The following SHROOM2 variants were observed in gnomAD, a reference collection of about 807,000 sequenced individuals.
SHROOM2 encodes the protein protein Shroom2.
SHROOM2 carries 33 observed loss-of-function variants against 75.9 expected under a neutral mutation model. The ratio of observed to expected loss-of-function variants is 0.43; its 90% confidence interval spans 0.33 to 0.58. The LOEUF is 0.58. Ranked by LOEUF, SHROOM2 falls within the 20% of genes least tolerant of loss-of-function variation. SHROOM2 has a pLI of 0.04. For missense variants in SHROOM2, 1,434 were observed against 1,461.2 expected (o/e 0.98, Z 0.30); for synonymous variants, 655 against 663.6 (o/e 0.99, Z 0.20).
At chrX:9,937,728 G>A in intron 7 of SHROOM2, 43 bp downstream of exon 7, 2 of 1,048,587 alleles carry the variant, frequency 1.9e-6, no homozygotes, top group South Asian at 2.3e-5. Context: ...ACTCTGCCTG[G>A]CATCTCTTAG....
At position 9,891,081 on chromosome X, in the gene SHROOM2, C is replaced by T; in HGVS notation, c.422C>T (p.Pro141Leu). 8.3e-7 allele frequency: 1 copy of T among 1,206,423 alleles called. No individual in the cohort carries two copies. The highest frequency in any genetic ancestry group is 1.1e-6 in the Non-Finnish European group (1 of 892,948). Residue 141 changes from proline (P) to leucine (L), a missense_variant, in exon 3 of 10, where the codon CCT becomes CTT. Pro to Leu is a moderately conservative substitution (Grantham distance 98). Around this residue, in one of 3 missense-constraint regions of SHROOM2, gnomAD observed 1,340 missense variants for 1,338.3 expected, o/e 1.00. Transcript: ENST00000380913. ...ASPFTSTSGC[P>L]SWSGRHHASS... ...CCATTCACCTCCACCAGCGGCTGTC[C>T]TTCCTGGTCCGGCCGACACCACGCG...
At position 9,862,118 on chromosome X, in the gene SHROOM2, T is replaced by C. The variant is rs138528765; in HGVS notation, c.166-11534T>C. Among the ~76,000 whole-genome samples, 889 of 112,262 alleles carry C rather than the reference T, an allele frequency of 7.9e-3. 8 individuals are homozygous for C. Among genetic ancestry groups the C allele is most frequent in the African/African-American group, 0.027 (838 of 30,907 alleles). ...GTGTACATGCAAAGCTCAAAATATT[T>C]ACATTACGGCTCTTTGTGAAAAAGT... On this transcript the variant is annotated intron_variant, in intron 1 of 9. Coordinates refer to ENST00000380913, the MANE Select transcript of SHROOM2 (RefSeq NM_001649.4).
At chrX:9,789,867 A>G (rs1421111792) in intron 1 of SHROOM2, among the ~76,000 whole-genome samples, 1 of 112,200 alleles carries the variant, frequency 8.9e-6, no homozygotes, top group Non-Finnish European at 1.9e-5. Context: ...GGCCTGGCCT[A>G]GCCCCAAGGG....
At chrX:9,877,975 G>A (rs554597016) in intron 2 of SHROOM2, among the ~76,000 whole-genome samples, 3 of 111,515 alleles carry the variant, frequency 2.7e-5, no homozygotes, top group South Asian at 7.6e-4. Flanking sequence ...TGAAATCTGC[G>A]TTAACAGCTC....
At position 9,944,653 on chromosome X, in the gene SHROOM2, G is replaced by A. The variant is rs1424335287; in HGVS notation, c.4324G>A (p.Glu1442Lys). Residue 1442 changes from glutamate to lysine, a missense_variant, in exon 9 of 10, where the codon GAG (glutamate) becomes AAG (lysine). Physicochemically the swap from Glu to Lys is moderately conservative, Grantham distance 56 (BLOSUM62 1). Around this residue, in one of 3 missense-constraint regions of SHROOM2, gnomAD observed 1,340 missense variants for 1,338.3 expected, o/e 1.00. Coordinates refer to ENST00000380913, the MANE Select transcript of SHROOM2 (RefSeq NM_001649.4). Reference sequence around the variant, plus strand: ...CCGTGCCCAACAGCAGGAGCTCATCGAGAGCATCAGCCGCAAGCTGCAGGT... The same window carrying A: ...CCGTGCCCAACAGCAGGAGCTCATCAAGAGCATCAGCCGCAAGCTGCAGGT... The part of the protein sequence containing the change: ...DLSVKKQELI[E>K]SISRKLQVLR... 7.5e-6 allele frequency: 9 copies of A among 1,207,279 alleles called. No homozygotes were observed. Among genetic ancestry groups the A allele is most frequent in the Non-Finnish European group, 1.0e-5 (9 of 892,868 alleles).
chrX:9,838,454 G>A (rs1305980694), intron 1 of SHROOM2, among the ~76,000 whole-genome samples: 1 of 111,092 alleles, frequency 9.0e-6, no homozygotes, highest in African/African-American at 3.3e-5. Flanking sequence ...GCCTGCTTGT[G>A]GGACTTGCAG....
At chrX:9,899,328 T>C (rs2084353117) in intron 5 of SHROOM2, among the ~76,000 whole-genome samples, 1 of 110,512 alleles carries the variant, frequency 9.0e-6, no homozygotes, top group African/African-American at 3.3e-5. Flanking sequence ...AGTGTGCGTC[T>C]CTACAGAAGA....
chrX:9,907,030 C>A (rs1378264235), intron 5 of SHROOM2, among the ~76,000 whole-genome samples: 1 of 110,959 alleles, frequency 9.0e-6, no homozygotes, highest in Non-Finnish European at 1.9e-5. Context: ...TTGCTGGTCC[C>A]CCTGGCGTTG....
chrX:9,867,593 C>T (rs1003226692), intron 1 of SHROOM2, among the ~76,000 whole-genome samples: 3 of 111,201 alleles, frequency 2.7e-5, no homozygotes, highest in Non-Finnish European at 3.8e-5. Context: ...ATCACGCATG[C>T]GGCACCTTCC....
intron 1 of SHROOM2, among the ~76,000 whole-genome samples, chrX:9,806,280 C>T (rs1033478673): frequency 2.7e-5 from 3 of 110,557 alleles, no homozygotes; most frequent in African/African-American, 6.6e-5. Flanking sequence ...GCAGGCACAT[C>T]GCTGGGGCCC....
rs773644766 is a variant in SHROOM2, at chrX:9,898,268, G to A, written c.2869G>A (p.Glu957Lys). The stretch of plus-strand genomic sequence containing the variant: ...AGAGCTTCCCTCCGCAGTCCGGGCC[G>A]AGGAGGGACAGTCCACGCCGAGGTG... ...REELPSAVRA[E>K]EGQSTPRQAD... Residue 957 changes from glutamate (E) to lysine (K), a missense_variant, in exon 5 of 10, where the codon GAG (glutamate) becomes AAG (lysine). Physicochemically the swap from Glu to Lys is moderately conservative, Grantham distance 56. Transcript: ENST00000380913. 20 of 1,178,105 alleles carry A rather than the reference G, an allele frequency of 1.7e-5. No individual in the cohort carries two copies. Among genetic ancestry groups the A allele is most frequent in the Admixed American group, 7.3e-5 (3 of 41,316 alleles).
intron 1 of SHROOM2, among the ~76,000 whole-genome samples, chrX:9,800,814 C>T (rs145892231): frequency 0.01 from 1,111 of 108,368 alleles, 18 homozygotes; most frequent in African/African-American, 0.035. Flanking sequence ...GCATGCGGCA[C>T]CATGCTCAGT....
chrX:9,915,574 T>TA (rs1191579123), intron 5 of SHROOM2, among the ~76,000 whole-genome samples: 1 of 111,573 alleles, frequency 9.0e-6, no homozygotes, highest in Non-Finnish European at 1.9e-5. Context: ...ATTATTCCGT[T>TA]AAAAAAATCT....
At chrX:9,897,555 CAA>C (rs1235925336) in intron 4 of SHROOM2, among the ~76,000 whole-genome samples, 5 of 16,805 alleles carry the variant, frequency 3.0e-4, no homozygotes, top group African/African-American at 2.5e-4. Context: ...CTTATCTCTA[CAA>C]AAAAAAAAAA....
chrX:9,855,292 T>G (rs1211717206), intron 1 of SHROOM2, among the ~76,000 whole-genome samples: 1 of 8,097 alleles, frequency 1.2e-4, no homozygotes, highest in Non-Finnish European at 2.5e-4. Flanking sequence ...ACTTAAAGTA[T>G]AGTAAAAAAA....
chrX:9,852,464 G>A (rs1439151817), intron 1 of SHROOM2, among the ~76,000 whole-genome samples: 1 of 112,033 alleles, frequency 8.9e-6, no homozygotes, highest in Non-Finnish European at 1.9e-5. Flanking sequence ...TTGAAGGTCT[G>A]CTCCGAGCTG....
At chrX:9,931,366 T>C (rs1028406405) in intron 5 of SHROOM2, among the ~76,000 whole-genome samples, 7 of 110,376 alleles carry the variant, frequency 6.3e-5, no homozygotes, top group African/African-American at 1.3e-4. Context: ...ATACGAAAAT[T>C]AGCCGGGCGT....
At chrX:9,923,334 G>A (rs1443015242) in intron 5 of SHROOM2, among the ~76,000 whole-genome samples, 1 of 111,190 alleles carries the variant, frequency 9.0e-6, no homozygotes, top group Non-Finnish European at 1.9e-5. Flanking sequence ...GGCGGGGGGT[G>A]CACTCAATCT....
At chrX:9,873,426 G>A (rs887957327) in intron 1 of SHROOM2, among the ~76,000 whole-genome samples, 1 of 112,144 alleles carries the variant, frequency 8.9e-6, no homozygotes, top group Admixed American at 9.4e-5. Flanking sequence ...TCCATTGTGT[G>A]TGTTCTCAAG....
Sources: allele counts gnomAD v4.1 joint callset (sites outside exome capture counted in the v4.1 genomes callset), GRCh38; gene constraint gnomAD v4.1.1; regional missense constraint gnomAD v4.1.1; transcripts MANE v1.5; gene names NCBI Gene and HGNC (gene_info 2026-07-23, HGNC 2026-07-21).